Variants in NCOA2 observed in about 807,000 individuals in gnomAD.
NCOA2 encodes the protein class E basic helix-loop-helix protein 75.
NCOA2 carries 21 observed loss-of-function variants against 145.1 expected under a neutral mutation model. The ratio of observed to expected loss-of-function variants is 0.14; its 90% confidence interval spans 0.10 to 0.21. The LOEUF is 0.21. Ranked by LOEUF, NCOA2 falls within the 10% of genes least tolerant of loss-of-function variation. The pLI, the probability that NCOA2 is intolerant of heterozygous loss-of-function variation, is 1.00. For synonymous variants in NCOA2, 619 were observed against 637.5 expected (o/e 0.97, Z 0.44); for missense variants, 1,472 against 1,837.6 (o/e 0.80, Z 3.64).
intron 4 of NCOA2, among the ~76,000 whole-genome samples, chr8:70,212,910 T>G (rs1423854584): frequency 6.6e-6 from 1 of 151,870 alleles, no homozygotes. Context: ...GGTGAAACCC[T>G]GTTTTTACTA....
rs1486780586 is a variant in NCOA2 at position 70,112,167 on chromosome 8, A to C, written c.*1465T>G. 4.9e-6 allele frequency: 1 copy of C among 204,284 alleles called. No individual in the cohort carries two copies. Among genetic ancestry groups the C allele is most frequent in the African/African-American group, 2.3e-5 (1 of 43,728 alleles). 12.7% of individuals were successfully genotyped at this position (204,284 alleles called of 1,614,324 possible). ...ATCATATAGATTAGATAAATGACTT[A>C]TAAGCAGAATCACAAGGTTTAGAAA... On this transcript the variant is annotated 3_prime_UTR_variant, in exon 23 of 23. Transcript: ENST00000452400.
At chr8:70,454,494 T>A in the NCOA2 span, among the ~76,000 whole-genome samples, 1 of 152,234 alleles carries the variant, frequency 6.6e-6, no homozygotes, top group African/African-American at 2.4e-5. Context: ...CCTAAAAATC[T>A]TTTGTTTTAT....
chr8:70,183,301 CA>C (rs1815690076), intron 4 of NCOA2, among the ~76,000 whole-genome samples: 1 of 152,132 alleles, frequency 6.6e-6, no homozygotes, highest in African/African-American at 2.4e-5. Context: ...GTAAGCCTGT[CA>C]AAAGACCAAA....
chr8:70,122,141 C>A (rs1374912945), intron 21 of NCOA2, among the ~76,000 whole-genome samples: 1 of 152,166 alleles, frequency 6.6e-6, no homozygotes, highest in Non-Finnish European at 1.5e-5. Flanking sequence ...GTACGCTTTT[C>A]CTCAGCAAGC....
At chr8:70,227,666 T>C (rs1254607743) in intron 2 of NCOA2, among the ~76,000 whole-genome samples, 2 of 152,180 alleles carry the variant, frequency 1.3e-5, no homozygotes, top group Non-Finnish European at 1.5e-5. Flanking sequence ...ATGGCAGCTC[T>C]AGATTAACAG....
chr8:70,363,912 C>T (rs1810437464), intron 1 of NCOA2, among the ~76,000 whole-genome samples: 1 of 151,704 alleles, frequency 6.6e-6, no homozygotes, highest in Non-Finnish European at 1.5e-5. Flanking sequence ...GCCGGCCATC[C>T]TCAGGAGTGT....
At chr8:70,366,520 A>G (rs1217260142) in intron 1 of NCOA2, among the ~76,000 whole-genome samples, 2 of 151,242 alleles carry the variant, frequency 1.3e-5, no homozygotes, top group East Asian at 3.8e-4. Context: ...GAGTTCATAT[A>G]TATATATATT....
Position 70,111,972 on chromosome 8 carries a change from G to T in NCOA2, c.*1660C>A. On this transcript the variant is annotated 3_prime_UTR_variant, in exon 23 of 23. Coordinates refer to ENST00000452400, the MANE Select transcript of NCOA2 (RefSeq NM_006540.4). Reference sequence around the variant, plus strand: ...AAAAGGTCATCAGTTTCTTGGTATTGGAGTTGTCTGAAACTGACACCTATT... The same window carrying T: ...AAAAGGTCATCAGTTTCTTGGTATTTGAGTTGTCTGAAACTGACACCTATT... 4.5e-6 allele frequency: 1 copy of T among 221,508 alleles called. No individual in the cohort carries two copies. The highest frequency in any genetic ancestry group is 9.0e-6 in the Non-Finnish European group (1 of 110,522). 13.7% of individuals were successfully genotyped at this position (221,508 alleles called of 1,614,324 possible).
At chr8:70,234,316 G>C (rs1269388995) in intron 2 of NCOA2, among the ~76,000 whole-genome samples, 1 of 152,106 alleles carries the variant, frequency 6.6e-6, no homozygotes, top group Non-Finnish European at 1.5e-5. Flanking sequence ...ATGCTATCAT[G>C]GACATTTGTG....
chr8:70,157,784 T>C (rs1451635444), intron 10 of NCOA2, among the ~76,000 whole-genome samples: 1 of 152,248 alleles, frequency 6.6e-6, no homozygotes, highest in African/African-American at 2.4e-5. Context: ...TTACTAAAAC[T>C]GTTTAGAATT....
chr8:70,196,619 A>G (rs1244084982), intron 4 of NCOA2, among the ~76,000 whole-genome samples: 1 of 152,192 alleles, frequency 6.6e-6, no homozygotes, highest in Admixed American at 6.5e-5. Flanking sequence ...ACCACATCTA[A>G]CTCAAATTAT....
intron 1 of NCOA2, among the ~76,000 whole-genome samples, chr8:70,302,096 C>G (rs1827552505): frequency 6.6e-6 from 1 of 152,056 alleles, no homozygotes; most frequent in Admixed American, 6.5e-5. Context: ...AGAAGAAAGT[C>G]ATACTTTCAC....
intron 1 of NCOA2, among the ~76,000 whole-genome samples, chr8:70,335,273 C>T (rs1346337059): frequency 6.6e-6 from 1 of 151,978 alleles, no homozygotes; most frequent in African/African-American, 2.4e-5. Context: ...ACTTCCACAA[C>T]AGGCCTTTTC....
intron 10 of NCOA2, among the ~76,000 whole-genome samples, chr8:70,158,710 C>T (rs939427920): frequency 3.9e-5 from 6 of 152,064 alleles, no homozygotes; most frequent in African/African-American, 1.4e-4. Flanking sequence ...TGAGATCGCG[C>T]CACTGCACTC....
At chr8:70,128,167 A>T (rs1808657870) in intron 18 of NCOA2, among the ~76,000 whole-genome samples, 1 of 152,218 alleles carries the variant, frequency 6.6e-6, no homozygotes, top group African/African-American at 2.4e-5. Flanking sequence ...TAGGAACGAT[A>T]GTTGGCTGTT....
the NCOA2 span, among the ~76,000 whole-genome samples, chr8:70,444,406 G>GA: frequency 6.6e-6 from 1 of 152,208 alleles, no homozygotes; most frequent in Non-Finnish European, 1.5e-5. Context: ...TCTTTATGAT[G>GA]AAACTATTAC....
rs377556748 is a variant in NCOA2 at position 70,124,017 on chromosome 8, T to C, written c.4160A>G (p.Asn1387Ser). Reference sequence around the variant, plus strand: ...CGCCATGGACACATTGATGTTCATGTTGTTACTGTACATGCTGGTGTTTGC... The same window carrying C: ...CGCCATGGACACATTGATGTTCATGCTGTTACTGTACATGCTGGTGTTTGC... ...QQANTSMYSN[N>S]MNINVSMATN... The change falls in exon 21 of 23, where the codon AAC becomes AGC. Residue 1387 changes from asparagine (N) to serine (S), a missense_variant. Asn to Ser is a conservative substitution (Grantham distance 46). Transcript: ENST00000452400. 2.1e-5 allele frequency: 34 copies of C among 1,613,896 alleles called. No individual in the cohort carries two copies. The highest frequency in any genetic ancestry group is 2.1e-5 in the Non-Finnish European group (25 of 1,179,892).
chr8:70,179,851 CAG>C (rs2132931626), intron 4 of NCOA2, among the ~76,000 whole-genome samples: 1 of 152,320 alleles, frequency 6.6e-6, no homozygotes, highest in Non-Finnish European at 1.5e-5. Context: ...ATCAAATTTT[CAG>C]AGACTACTAG....
chr8:70,371,347 G>GAA (rs1811198575), intron 1 of NCOA2, among the ~76,000 whole-genome samples: 1 of 151,926 alleles, frequency 6.6e-6, no homozygotes, highest in African/African-American at 2.4e-5. Flanking sequence ...ACGTACACCT[G>GAA]AAAATGGTTA....
Sources: allele counts gnomAD v4.1 joint callset (sites outside exome capture counted in the v4.1 genomes callset), GRCh38; gene constraint gnomAD v4.1.1; transcripts MANE v1.5; gene names NCBI Gene and HGNC (gene_info 2026-07-23, HGNC 2026-07-21).